Variants in PTPRD observed in about 807,000 individuals in gnomAD.
PTPRD encodes protein tyrosine phosphatase receptor type D, also known as receptor-type tyrosine-protein phosphatase delta.
Under a neutral mutation model 214.5 loss-of-function variants are expected in PTPRD, and 34 were observed. The ratio of observed to expected loss-of-function variants is 0.16; its 90% CI spans 0.12 to 0.21. The LOEUF (loss-of-function observed/expected upper bound fraction) is 0.21. Ranked by LOEUF, PTPRD falls within the 10% of genes least tolerant of loss-of-function variation. The probability of loss-of-function intolerance (pLI) is 1.00; values close to 1 mark genes in which losing one functional copy is unlikely to be tolerated. For missense variants in PTPRD, 2,545 were observed against 2,398.7 expected, an observed-to-expected ratio of 1.06 and a Z score of -1.27; for synonymous variants, 1,128 against 845.7, an observed-to-expected ratio of 1.33 and a Z score of -5.79.
chr9:10,177,647 T>C (rs773455732), intron 3 of PTPRD, among the ~76,000 whole-genome samples: 1 of 152,022 alleles, frequency 6.6e-6, no homozygotes, highest in East Asian at 1.9e-4. Context: ...AATGAAATTA[T>C]GTGAATGAAT....
intron 9 of PTPRD, among the ~76,000 whole-genome samples, chr9:9,293,020 T>A (rs1951718114): frequency 6.6e-6 from 1 of 151,534 alleles, no homozygotes; most frequent in African/African-American, 2.4e-5. Context: ...CCAAAAAATA[T>A]TCCCCGCCTT....
At chr9:9,654,383 A>C (rs2096456796) in intron 7 of PTPRD, among the ~76,000 whole-genome samples, 1 of 152,226 alleles carries the variant, frequency 6.6e-6, no homozygotes, top group East Asian at 1.9e-4. Context: ...ATTTATACAC[A>C]TGTCTAAGTA....
At chr9:8,786,023 G>A (rs543437833) in intron 11 of PTPRD, among the ~76,000 whole-genome samples, 45 of 144,640 alleles carry the variant, frequency 3.1e-4, no homozygotes, top group Admixed American at 8.5e-4. Context: ...CTGAGAAGCC[G>A]CTTAATTTGT....
chr9:9,206,381 A>T (rs779495931), intron 9 of PTPRD, among the ~76,000 whole-genome samples: 2 of 152,224 alleles, frequency 1.3e-5, no homozygotes, highest in Non-Finnish European at 2.9e-5. Context: ...CAATTATGTG[A>T]AAACTATACT....
chr9:10,116,625 A>G (rs946622336), intron 3 of PTPRD, among the ~76,000 whole-genome samples: 1 of 152,132 alleles, frequency 6.6e-6, no homozygotes, highest in Non-Finnish European at 1.5e-5. Context: ...ACATTAAAAC[A>G]TTATTTCGAA....
intron 4 of PTPRD, among the ~76,000 whole-genome samples, chr9:9,983,296 T>C (rs922762576): frequency 1.3e-5 from 2 of 152,232 alleles, no homozygotes; most frequent in African/African-American, 4.8e-5. Flanking sequence ...TTCCACAGCA[T>C]TTCTGCCAGA....
chr9:9,331,308 T>A (rs1225134379), intron 9 of PTPRD, among the ~76,000 whole-genome samples: 1 of 152,110 alleles, frequency 6.6e-6, no homozygotes, highest in Non-Finnish European at 1.5e-5. Context: ...CCATTTCCAA[T>A]TTACTAAGTT....
intron 3 of PTPRD, among the ~76,000 whole-genome samples, chr9:10,233,136 C>A (rs1429663781): frequency 1.3e-5 from 2 of 151,888 alleles, no homozygotes; most frequent in Non-Finnish European, 2.9e-5. Context: ...TTGCAAAGCA[C>A]ATGGAAAATA....
intron 5 of PTPRD, among the ~76,000 whole-genome samples, chr9:9,806,109 A>G (rs1275521802): frequency 6.6e-6 from 1 of 152,152 alleles, no homozygotes; most frequent in Non-Finnish European, 1.5e-5. Flanking sequence ...GAATTATAAG[A>G]TGCACGGGTC....
intron 10 of PTPRD, among the ~76,000 whole-genome samples, chr9:9,040,685 G>A (rs552778526): frequency 2.0e-5 from 3 of 152,138 alleles, no homozygotes; most frequent in African/African-American, 7.2e-5. Flanking sequence ...TGAACAGAAT[G>A]GAAGGTTATC....
Position 8,492,897 on chromosome 9 carries a change from C to A in PTPRD, c.2432G>T (p.Arg811Leu). The A allele has an allele frequency of 6.2e-7, 1 of 1,613,756 alleles. No homozygotes were observed. Residue 811 changes from arginine (R) to leucine (L), a missense_variant, in exon 27 of 46, where the codon CGC becomes CTC. Physicochemically the swap from Arg to Leu is moderately radical, Grantham distance 102. Coordinates refer to ENST00000381196, the MANE Select transcript of PTPRD (RefSeq NM_002839.4). ...GGTGGACACCAGTTTGGGCTTGCTG[C>A]GAGCACCATCTCCTTTGGTTGTGTA... ...TAYTTKGDGARSKPKLVSTTG... is the reference protein window; with the variant it reads ...TAYTTKGDGALSKPKLVSTTG...
At chr9:8,745,956 T>C (rs1470029159) in intron 11 of PTPRD, among the ~76,000 whole-genome samples, 1 of 152,072 alleles carries the variant, frequency 6.6e-6, no homozygotes, top group African/African-American at 2.4e-5. Flanking sequence ...TGCCACCACA[T>C]TTGGTTTTTC....
At chr9:10,158,810 G>A (rs1259669700) in intron 3 of PTPRD, among the ~76,000 whole-genome samples, 6 of 152,128 alleles carry the variant, frequency 3.9e-5, no homozygotes, top group Admixed American at 2.6e-4. Flanking sequence ...CAGGTCCACT[G>A]GCAGGATATT....
chr9:8,512,843 G>C (rs1442817573), intron 21 of PTPRD, among the ~76,000 whole-genome samples: 1 of 151,908 alleles, frequency 6.6e-6, no homozygotes. Flanking sequence ...TAATTAGCAT[G>C]AACATCAAGC....
chr9:9,077,371 G>A (rs563276409), intron 10 of PTPRD, among the ~76,000 whole-genome samples: 3 of 54,864 alleles, frequency 5.5e-5, no homozygotes, highest in African/African-American at 1.7e-4. Flanking sequence ...ATGAATTCAG[G>A]TGACTGAAAA....
chr9:9,781,885 C>T (rs901711781), intron 5 of PTPRD, among the ~76,000 whole-genome samples: 3 of 151,950 alleles, frequency 2.0e-5, no homozygotes, highest in African/African-American at 7.3e-5. Context: ...CTCCGCCTCC[C>T]GAGTTCACGC....
chr9:10,369,543 A>G (rs774261143), intron 2 of PTPRD, among the ~76,000 whole-genome samples: 1 of 152,160 alleles, frequency 6.6e-6, no homozygotes, highest in Non-Finnish European at 1.5e-5. Context: ...AGTATGTATA[A>G]GAATGAGGCT....
chr9:10,410,439 T>A (rs2098422726), intron 2 of PTPRD, among the ~76,000 whole-genome samples: 1 of 151,252 alleles, frequency 6.6e-6, no homozygotes, highest in Non-Finnish European at 1.5e-5. Flanking sequence ...CTAGGACATC[T>A]GCTGATAGTT....
intron 3 of PTPRD, among the ~76,000 whole-genome samples, chr9:10,073,415 C>A (rs550632953): frequency 1.3e-5 from 2 of 152,070 alleles, no homozygotes; most frequent in Non-Finnish European, 2.9e-5. Context: ...TTGTCTGTCA[C>A]TGTCACAGCC....
Sources: gnomAD v4.1 joint callset for allele counts (sites outside exome capture counted in the v4.1 genomes callset) on GRCh38, gnomAD v4.1.1 for gene constraint, MANE v1.5 for transcripts, NCBI Gene and HGNC (gene_info 2026-07-23, HGNC 2026-07-21) for gene names.